CSMD1: variants seen among roughly 807,000 people sequenced by gnomAD.
CSMD1 encodes the protein CUB and Sushi multiple domains 1.
In CSMD1, 213 loss-of-function variants were observed where a neutral mutation model predicts 417.5. That is an observed-to-expected ratio of 0.51 (90% CI 0.46 to 0.57). The LOEUF is 0.57. CSMD1 is among the 20% of genes least tolerant of loss of function. The pLI is 0.00. For synonymous variants in CSMD1, 2,862 were observed against 1,736.8 expected (o/e 1.65, Z -16.11); for missense variants, 6,923 against 4,529.7 (o/e 1.53, Z -15.17).
Position 3,308,411 on chromosome 8 carries a change from A to G in CSMD1, c.3724T>C (p.Tyr1242His), listed in dbSNP as rs756586553. The G allele has an allele frequency of 6.2e-7, 1 of 1,613,864 alleles. No homozygotes were observed. Among genetic ancestry groups the G allele is most frequent in the South Asian group, 1.1e-5 (1 of 91,068 alleles). The change falls in exon 24 of 70, where the codon TAC becomes CAC. Residue 1242 changes from tyrosine to histidine, a missense_variant. Transcript: ENST00000635120. ...ATGGCGTACCCCGGGTTGCAACTGT[A>G]CAGAACTACAGTGTCGGTAAAGTGG... is the stretch of plus-strand genomic sequence containing the variant. ...EGHFTDTVVL[Y>H]SCNPGYAMHG...
intron 3 of CSMD1, among the ~76,000 whole-genome samples, chr8:4,037,275 G>C (rs368428604): frequency 2.6e-5 from 4 of 152,250 alleles, no homozygotes; most frequent in Non-Finnish European, 1.5e-5. Context: ...CAATTAACCT[G>C]TGGGAAAATT....
intron 3 of CSMD1, among the ~76,000 whole-genome samples, chr8:4,409,143 A>T (rs925286727): frequency 1.1e-4 from 17 of 152,334 alleles, no homozygotes; most frequent in African/African-American, 4.1e-4. Flanking sequence ...AATGTACTAT[A>T]CCTGTATTTT....
chr8:4,000,720 T>C (rs541973817), intron 4 of CSMD1, among the ~76,000 whole-genome samples: 6 of 152,204 alleles, frequency 3.9e-5, no homozygotes, highest in South Asian at 2.1e-4. Flanking sequence ...AGAGTAATAA[T>C]TGTTTTTCAT....
At chr8:4,055,366 A>G (rs1458160557) in intron 3 of CSMD1, among the ~76,000 whole-genome samples, 1 of 152,114 alleles carries the variant, frequency 6.6e-6, no homozygotes, top group Non-Finnish European at 1.5e-5. Context: ...TAATTATTGT[A>G]AATTTCACAA....
chr8:4,318,087 G>C (rs1350465673), intron 3 of CSMD1, among the ~76,000 whole-genome samples: 1 of 152,182 alleles, frequency 6.6e-6, no homozygotes, highest in East Asian at 1.9e-4. Flanking sequence ...ATTTAGTTTA[G>C]CCTGTCTGTA....
chr8:4,308,107 G>C (rs10106165), intron 3 of CSMD1, among the ~76,000 whole-genome samples: 5 of 152,154 alleles, frequency 3.3e-5, no homozygotes, highest in Admixed American at 2.0e-4. Flanking sequence ...GAAGTGGAGA[G>C]GGTGGCAAAG....
chr8:4,373,344 TTAA>T (rs1245957720), intron 3 of CSMD1, among the ~76,000 whole-genome samples: 4 of 152,230 alleles, frequency 2.6e-5, no homozygotes, highest in African/African-American at 9.6e-5. Flanking sequence ...GGATTTTTAG[TTAA>T]TAACGTGTCA....
chr8:4,369,669 G>A (rs1594351), intron 3 of CSMD1, among the ~76,000 whole-genome samples: 108,817 of 152,058 alleles, frequency 0.72, 39,831 homozygotes, highest in African/African-American at 0.89. Flanking sequence ...TTCTTGTTGA[G>A]TTGAGCCCTT....
chr8:4,039,193 T>A (rs1053920238), intron 3 of CSMD1, among the ~76,000 whole-genome samples: 6 of 152,210 alleles, frequency 3.9e-5, no homozygotes, highest in Non-Finnish European at 8.8e-5. Context: ...ATCTGGAATC[T>A]AGGTCCCTTA....
chr8:3,145,742 A>T (rs1475351344), intron 40 of CSMD1, among the ~76,000 whole-genome samples: 2 of 152,242 alleles, frequency 1.3e-5, no homozygotes, highest in African/African-American at 4.8e-5. Flanking sequence ...AAATAAGCAT[A>T]ACCTGGTTAT....
At chr8:3,142,269 G>C (rs1585460564) in intron 41 of CSMD1, among the ~76,000 whole-genome samples, 196 bp downstream of exon 41, 1 of 152,140 alleles carries the variant, frequency 6.6e-6, no homozygotes, top group East Asian at 1.9e-4. Context: ...GAACCCACTG[G>C]TGGTTCCGTC....
chr8:3,849,920 T>G (rs1803778018), intron 5 of CSMD1, among the ~76,000 whole-genome samples: 1 of 152,076 alleles, frequency 6.6e-6, no homozygotes, highest in African/African-American at 2.4e-5. Context: ...GTTCAAGCAA[T>G]TCTCCAGCCT....
Position 3,205,569 on chromosome 8 carries a change from T to C in CSMD1, c.4919A>G (p.Asn1640Ser). 3 of 1,602,008 alleles carry C rather than the reference T, an allele frequency of 1.9e-6. No individual in the cohort carries two copies. Among genetic ancestry groups the C allele is most frequent in the South Asian group, 2.3e-5 (2 of 88,700 alleles). Residue 1640 changes from asparagine to serine, a missense_variant, in exon 31 of 70, where the codon AAC becomes AGC. By Grantham distance (46) the Asn-to-Ser change is conservative. Transcript: ENST00000635120. ...ACCAGCTGTGTAATTATGGGGGTAG[T>C]TTGGTGATAAAACTACCCCTTCTGA... ...TGSEGVVLSP[N>S]YPHNYTAGQI...
At chr8:3,804,378 C>T (rs1215668532) in intron 5 of CSMD1, among the ~76,000 whole-genome samples, 2 of 151,996 alleles carry the variant, frequency 1.3e-5, no homozygotes, top group Admixed American at 6.6e-5. Context: ...TGTGAATTAA[C>T]CGGACACAAA....
chr8:4,075,975 G>C (rs759463404), intron 3 of CSMD1, among the ~76,000 whole-genome samples: 20 of 152,114 alleles, frequency 1.3e-4, no homozygotes, highest in African/African-American at 4.1e-4. Flanking sequence ...TTAAAACATA[G>C]AATTGTTTCT....
chr8:4,834,039 G>T (rs1236410712), intron 1 of CSMD1, among the ~76,000 whole-genome samples: 1 of 152,166 alleles, frequency 6.6e-6, no homozygotes, highest in Non-Finnish European at 1.5e-5. Flanking sequence ...TACGTGGCCA[G>T]TAGGTGCCAC....
At chr8:3,045,265 CTTT>C (rs1294211993) in intron 50 of CSMD1, among the ~76,000 whole-genome samples, 1 of 152,164 alleles carries the variant, frequency 6.6e-6, no homozygotes, top group Non-Finnish European at 1.5e-5. Flanking sequence ...TGCAAATTGA[CTTT>C]TTGCTGTTTA....
At chr8:4,029,331 G>A (rs78145890) in intron 4 of CSMD1, among the ~76,000 whole-genome samples, 1,744 of 152,202 alleles carry the variant, frequency 0.011, 27 homozygotes, top group Middle Eastern at 0.027. Flanking sequence ...CCCAAGAATG[G>A]GCAATTTACA....
At chr8:4,935,053 C>G (rs751226891) in intron 1 of CSMD1, among the ~76,000 whole-genome samples, 2 of 152,178 alleles carry the variant, frequency 1.3e-5, no homozygotes, top group Admixed American at 6.5e-5. Context: ...CACACTTATG[C>G]AGATAAACTT....
Sources: allele counts gnomAD v4.1 joint callset (sites outside exome capture counted in the v4.1 genomes callset), GRCh38; gene constraint gnomAD v4.1.1; transcripts MANE v1.5; gene names NCBI Gene and HGNC (gene_info 2026-07-23, HGNC 2026-07-21).